Variants in NR5A2 observed in about 807,000 individuals in gnomAD.
NR5A2 encodes the protein CYP7A promoter-binding factor.
NR5A2 carries 26 observed loss-of-function variants against 62.7 expected under a neutral mutation model. The observed-to-expected ratio is 0.41, with a 90% CI of 0.30 to 0.58. The LOEUF (loss-of-function observed/expected upper bound fraction) is 0.58. Among genes scored for constraint, NR5A2 ranks in the 20% least tolerant of loss-of-function variants. The probability of loss-of-function intolerance (pLI) is 0.22; values close to 1 mark genes in which losing one functional copy is unlikely to be tolerated. For missense variants in NR5A2, 541 were observed against 669.1 expected (o/e 0.81, Z 2.11); for synonymous variants, 246 against 241.7 (o/e 1.02, Z -0.16).
chr1:200,048,748 A>T lies in NR5A2; in HGVS notation c.1040A>T (p.Lys347Ile). 6.2e-7 allele frequency: 1 copy of T among 1,614,228 alleles called. No homozygotes were observed. ...CTGAGCACCTTTGGGCTTATGTGCA[A>T]AATGGCAGATCAAACTCTCTTCTCC... is the stretch of plus-strand genomic sequence containing the variant. ...EKLSTFGLMC[K>I]MADQTLFSIV... Residue 347 changes from lysine to isoleucine, a missense_variant, in exon 5 of 8, where the codon AAA becomes ATA. This residue lies in a region of NR5A2 where 379 missense variants were observed against 442.0 expected (regional missense o/e 0.86). Coordinates refer to ENST00000367362, the MANE Select transcript of NR5A2 (RefSeq NM_205860.3). This position sits in a 1 kb window ranked among gnomAD's most constrained non-coding sequence, Gnocchi z 4.8.
intron 5 of NR5A2, among the ~76,000 whole-genome samples, chr1:200,062,381 CTG>C (rs985289771): frequency 5.9e-5 from 9 of 152,156 alleles, no homozygotes; most frequent in Non-Finnish European, 5.9e-5. Context: ...CCTGTGGACT[CTG>C]AAACTGCTAC....
chr1:200,077,168 T>G (rs959695378), intron 5 of NR5A2, among the ~76,000 whole-genome samples: 2 of 152,234 alleles, frequency 1.3e-5, no homozygotes, highest in African/African-American at 2.4e-5. Flanking sequence ...AATTATAAAA[T>G]GTTTTATGTT....
intron 6 of NR5A2, among the ~76,000 whole-genome samples, chr1:200,119,578 T>C (rs1666388712): frequency 6.6e-6 from 1 of 152,208 alleles, no homozygotes; most frequent in African/African-American, 2.4e-5. Flanking sequence ...CTTAACTTGT[T>C]ATAAATTGAA....
chr1:200,102,198 A>AT (rs1367821870), intron 5 of NR5A2, among the ~76,000 whole-genome samples: 1 of 152,228 alleles, frequency 6.6e-6, no homozygotes, highest in Non-Finnish European at 1.5e-5. Context: ...CTTTGGAAAC[A>AT]TTGCACTTTG....
chr1:200,148,219 G>C, intron 7 of NR5A2: 1 of 238,426 alleles, frequency 4.2e-6, no homozygotes, highest in Non-Finnish European at 8.6e-6. Flanking sequence ...CCGCCGCCCC[G>C]ACTCCACAGC....
At chr1:200,087,088 C>T (rs1571449240) in intron 5 of NR5A2, among the ~76,000 whole-genome samples, 1 of 152,086 alleles carries the variant, frequency 6.6e-6, no homozygotes, top group Non-Finnish European at 1.5e-5. Context: ...ATTTTAGTTT[C>T]TAAAGTAGCT....
chr1:200,042,601 C>T (rs559634693), intron 2 of NR5A2, among the ~76,000 whole-genome samples: 1 of 152,344 alleles, frequency 6.6e-6, no homozygotes, highest in Admixed American at 6.5e-5. Context: ...GTTTGTGCGC[C>T]GTTGGGTAGC....
intron 5 of NR5A2, among the ~76,000 whole-genome samples, chr1:200,099,027 A>T (rs1385809575): frequency 6.6e-6 from 1 of 152,194 alleles, no homozygotes; most frequent in Admixed American, 6.5e-5. Flanking sequence ...CATTTCTGGG[A>T]ATCTCTGAAG....
intron 7 of NR5A2, among the ~76,000 whole-genome samples, chr1:200,135,001 T>C (rs1188319377): frequency 6.6e-6 from 1 of 152,196 alleles, no homozygotes; most frequent in African/African-American, 2.4e-5. Context: ...GAACATTTTA[T>C]TTACAAAGTA....
chr1:200,132,930 C>G (rs1399739685), intron 7 of NR5A2, among the ~76,000 whole-genome samples: 1 of 152,120 alleles, frequency 6.6e-6, no homozygotes, highest in Non-Finnish European at 1.5e-5. Flanking sequence ...GGAAGAGAAC[C>G]TATGCTGTTG....
At position 200,039,760 on chromosome 1, in the gene NR5A2, A is replaced by G. The variant is rs949275116; in HGVS notation, c.167A>G (p.His56Arg). The G allele has an allele frequency of 1.9e-5, 31 of 1,608,130 alleles. No individual in the cohort carries two copies. In the South Asian group the frequency reaches 2.5e-4, roughly 13 times the overall value. ...ETEALGLARS[H>R]GEQGQMPENM... ...GAAGCCCTGGGACTGGCTCGATCGCATGGGGAACAGGGCCAGATGCCGGAA... is the reference window on the plus strand; with the variant it reads ...GAAGCCCTGGGACTGGCTCGATCGCGTGGGGAACAGGGCCAGATGCCGGAA... Residue 56 changes from histidine to arginine, a missense_variant, in exon 2 of 8, where the codon CAT becomes CGT. His to Arg is a conservative substitution (Grantham distance 29). Around this residue, in one of 3 missense-constraint regions of NR5A2, gnomAD observed 108 missense variants for 103.3 expected, o/e 1.05. Transcript: ENST00000367362. This position sits in a 1 kb window ranked among gnomAD's most constrained non-coding sequence, Gnocchi z 5.1.
At chr1:200,030,994 G>A (rs575725557) in intron 1 of NR5A2, among the ~76,000 whole-genome samples, 1 of 152,290 alleles carries the variant, frequency 6.6e-6, no homozygotes, top group South Asian at 2.1e-4. Flanking sequence ...AAGTGTGATA[G>A]CCATTATGTC....
At chr1:200,087,403 C>CA (rs1553270478) in intron 5 of NR5A2, among the ~76,000 whole-genome samples, 3 of 151,148 alleles carry the variant, frequency 2.0e-5, no homozygotes, top group African/African-American at 7.3e-5. Context: ...CTTTATTTCC[C>CA]TTTTTTTTTG....
rs76051450 is a variant in NR5A2, at chr1:200,068,312, T to C, written c.1110+19494T>C. On this transcript the variant is annotated intron_variant, in intron 5 of 7. Transcript: ENST00000367362. ...CTACAAAATTACAGATGAGCATAAA[T>C]ATGTCATACATATCAGAATCAATAA... Among the ~76,000 whole-genome samples the C allele has an allele frequency of 6.3e-3, 965 of 152,302 alleles. 10 individuals are homozygous for C. The highest frequency in any genetic ancestry group is 0.021 in the African/African-American group (861 of 41,572).
At chr1:200,054,402 A>G (rs752239124) in intron 5 of NR5A2, among the ~76,000 whole-genome samples, 2 of 152,054 alleles carry the variant, frequency 1.3e-5, no homozygotes, top group Non-Finnish European at 2.9e-5. Context: ...TCACAAACAC[A>G]AGAGCAGTGA....
At chr1:200,148,039 T>TGGAGCGCACGGTCCCC (rs1558168114) in intron 7 of NR5A2, 2 of 303,672 alleles carry the variant, frequency 6.6e-6, no homozygotes, top group East Asian at 1.8e-4. Flanking sequence ...GGCAGGTCGC[T>TGGAGCGCACGGTCCCC]GGAGCGCACG....
intron 6 of NR5A2, among the ~76,000 whole-genome samples, chr1:200,114,339 AAG>A (rs1666119001): frequency 1.4e-5 from 2 of 144,932 alleles, no homozygotes; most frequent in African/African-American, 5.8e-5. Context: ...GCAGAAAAAA[AAG>A]AAAAAAAGAA....
At chr1:200,168,210 C>T (rs10919824) in intron 7 of NR5A2, among the ~76,000 whole-genome samples, 21,668 of 141,136 alleles carry the variant, frequency 0.15, 2,353 homozygotes, top group East Asian at 0.56. Flanking sequence ...TTTATATCTA[C>T]TTTTTTTTTT....
At chr1:200,148,725 CTCTTT>C (rs1667840978) in intron 7 of NR5A2, among the ~76,000 whole-genome samples, 2 of 152,118 alleles carry the variant, frequency 1.3e-5, no homozygotes, top group African/African-American at 4.8e-5. Flanking sequence ...GGATGATTTT[CTCTTT>C]TCTTTAATAT....
Sources: allele counts gnomAD v4.1 joint callset (sites outside exome capture counted in the v4.1 genomes callset), GRCh38; gene constraint gnomAD v4.1.1; regional missense constraint gnomAD v4.1.1; non-coding constraint Gnocchi (gnomAD v3.1); transcripts MANE v1.5; gene names NCBI Gene and HGNC (gene_info 2026-07-23, HGNC 2026-07-21).